CDKL5: variants seen among roughly 807,000 people sequenced by gnomAD.
CDKL5 encodes the protein cyclin-dependent kinase-like 5.
CDKL5 carries 8 observed loss-of-function variants against 61.7 expected under a neutral mutation model. That is an observed-to-expected ratio of 0.13 (90% CI 0.08 to 0.23). The LOEUF (loss-of-function observed/expected upper bound fraction) is 0.23, where lower values mean the gene tolerates loss of function less well. CDKL5 is among the 10% of genes least tolerant of loss of function. The probability of loss-of-function intolerance (pLI) is 1.00; values close to 1 mark genes in which losing one functional copy is unlikely to be tolerated. For synonymous variants in CDKL5, 275 were observed against 272.3 expected (o/e 1.01, Z -0.10); for missense variants, 440 against 734.5 (o/e 0.60, Z 4.63).
chrX:18,533,183 G>A lies in CDKL5; in HGVS notation c.99+22329G>A, dbSNP rs183350038. Among the ~76,000 whole-genome samples the A allele has an allele frequency of 4.1e-3, 458 of 112,052 alleles. 2 individuals carry two copies. The highest frequency in any genetic ancestry group is 0.014 in the African/African-American group (442 of 30,867). On this transcript the variant is annotated intron_variant, in intron 3 of 17. Transcript: ENST00000623535. ...TGGTTGAAAATAATTAATTTTTGCT[G>A]TGTAATAATCAATTAGCTGTGGCCC...
Position 18,604,624 on chromosome X carries a change from C to T in CDKL5, c.1700C>T (p.Thr567Met), listed in dbSNP as rs1926295197. The T allele has an allele frequency of 1.7e-6, 2 of 1,212,002 alleles. No homozygotes were observed. The highest frequency in any genetic ancestry group is 1.1e-6 in the Non-Finnish European group (1 of 895,513). Residue 567 changes from threonine to methionine, a missense_variant, in exon 12 of 18, where the codon ACG becomes ATG. Around this residue, in one of 2 missense-constraint regions of CDKL5, gnomAD observed 363 missense variants for 516.3 expected, o/e 0.70. Transcript: ENST00000623535. The part of the protein sequence containing the change: ...SRRTTTRHSK[T>M]MEELKLPEHM... The stretch of plus-strand genomic sequence containing the variant: ...CGAACCACAACCAGACATTCTAAGA[C>T]GATGGAGGAATTGAAGCTGCCGGAG...
intron 3 of CDKL5, among the ~76,000 whole-genome samples, chrX:18,538,491 A>G (rs1362613130): frequency 9.0e-6 from 1 of 110,924 alleles, no homozygotes; most frequent in Non-Finnish European, 1.9e-5. Context: ...GTCAAATCTG[A>G]GAAATCTGCC....
Position 18,526,904 on chromosome X carries a change from C to T in CDKL5, c.99+16050C>T, listed in dbSNP as rs566609317. ...GTTCAGGCGATTCTCCTGCCTCAGC[C>T]TCCCGAGTAGCTGGGATTACAGGCA... On this transcript the variant is annotated intron_variant, in intron 3 of 17. Transcript: ENST00000623535. Among the ~76,000 whole-genome samples the T allele has an allele frequency of 4.5e-5, 5 of 110,694 alleles. No individual in the cohort carries two copies. In the South Asian group the frequency reaches 1.6e-3, roughly 34 times the overall value.
intron 1 of CDKL5, among the ~76,000 whole-genome samples, chrX:18,450,863 C>T (rs927079791): frequency 4.6e-5 from 5 of 109,710 alleles, no homozygotes; most frequent in Admixed American, 1.9e-4. Flanking sequence ...GTGTGAGCCA[C>T]TGTGCCCGGC....
chrX:18,599,495 C>T (rs994240201), intron 11 of CDKL5, among the ~76,000 whole-genome samples: 2 of 112,422 alleles, frequency 1.8e-5, no homozygotes, highest in Admixed American at 9.4e-5. Context: ...GCTCTGTCGC[C>T]TAGGCTGGAG....
chrX:18,604,922 G>C, intron 12 of CDKL5, 54 bp downstream of exon 12: 1 of 1,176,599 alleles, frequency 8.5e-7, no homozygotes, highest in Non-Finnish European at 1.2e-6. Context: ...AAGGTGGTAC[G>C]AGGGATGTGA....
chrX:18,479,432 G>C (rs927125088), intron 1 of CDKL5, among the ~76,000 whole-genome samples: 3 of 102,201 alleles, frequency 2.9e-5, no homozygotes, highest in Non-Finnish European at 5.9e-5. Context: ...CCATTCTCCT[G>C]CGTCAGCCTC....
At chrX:18,537,277 C>T (rs761428468) in intron 3 of CDKL5, among the ~76,000 whole-genome samples, 5 of 111,950 alleles carry the variant, frequency 4.5e-5, no homozygotes, top group African/African-American at 1.6e-4. Context: ...TCAGATTGGA[C>T]GCTGCTGTCC....
At chrX:18,489,488 A>G (rs2147079260) in intron 1 of CDKL5, among the ~76,000 whole-genome samples, 1 of 110,806 alleles carries the variant, frequency 9.0e-6, no homozygotes, top group African/African-American at 3.3e-5. Context: ...AGAAACATTT[A>G]CAATCTGTTC....
At chrX:18,575,612 C>A in intron 5 of CDKL5, 122 bp downstream of exon 5, 1 of 641,262 alleles carries the variant, frequency 1.6e-6, no homozygotes, top group Admixed American at 2.7e-5. Context: ...AATCTGAGGA[C>A]TTTAAAAATG....
At chrX:18,540,650 TTTTTC>T (rs754814054) in intron 3 of CDKL5, among the ~76,000 whole-genome samples, 7 of 111,050 alleles carry the variant, frequency 6.3e-5, no homozygotes, top group South Asian at 7.6e-4. Context: ...TTTCTTTTCT[TTTTTC>T]TTTTCTTTTC....
intron 3 of CDKL5, among the ~76,000 whole-genome samples, chrX:18,521,170 ATCT>A (rs1193758204): frequency 1.8e-5 from 2 of 112,303 alleles, no homozygotes; most frequent in Non-Finnish European, 3.8e-5. Flanking sequence ...TCATTTGTAT[ATCT>A]TCTTTGGAGA....
chrX:18,509,192 A>AACGCACACACACAC (rs1555940155), intron 2 of CDKL5, among the ~76,000 whole-genome samples: 2 of 45,002 alleles, frequency 4.4e-5, no homozygotes, highest in Non-Finnish European at 8.0e-5. Context: ...ACTGTCTCAA[A>AACGCACACACACAC]ACACGCACAC....
At chrX:18,598,666 G>A in intron 11 of CDKL5, 53 bp downstream of exon 11, 12 of 1,076,033 alleles carry the variant, frequency 1.1e-5, no homozygotes, top group Non-Finnish European at 1.6e-5. Flanking sequence ...TTACAAGTAG[G>A]TGGAGGAGGT....
At chrX:18,553,687 G>T (rs1924488589) in intron 3 of CDKL5, among the ~76,000 whole-genome samples, 1 of 111,183 alleles carries the variant, frequency 9.0e-6, no homozygotes, top group Admixed American at 9.6e-5. Context: ...TAGAGATGGG[G>T]TTTTACCATG....
intron 1 of CDKL5, among the ~76,000 whole-genome samples, chrX:18,496,037 A>G (rs1022625523): frequency 8.9e-6 from 1 of 112,490 alleles, no homozygotes; most frequent in African/African-American, 3.2e-5. Flanking sequence ...AAGTATGACA[A>G]AAATGAGAAT....
At chrX:18,573,598 T>C (rs965171575) in intron 4 of CDKL5, among the ~76,000 whole-genome samples, 1 of 112,454 alleles carries the variant, frequency 8.9e-6, no homozygotes, top group African/African-American at 3.2e-5. Flanking sequence ...CATGCTCTTT[T>C]CCCTGTAAGT....
chrX:18,453,927 A>T (rs932339255), intron 1 of CDKL5, among the ~76,000 whole-genome samples: 2 of 112,160 alleles, frequency 1.8e-5, no homozygotes, highest in Non-Finnish European at 3.8e-5. Context: ...AGAGGAAAGT[A>T]ATGTAATTTT....
intron 1 of CDKL5, among the ~76,000 whole-genome samples, chrX:18,433,249 A>C (rs1217650937): frequency 9.6e-6 from 1 of 104,491 alleles, no homozygotes; most frequent in Admixed American, 1.1e-4. Flanking sequence ...AAGAAAAGAA[A>C]AGAAAAAAAA....
Sources: gnomAD v4.1 joint callset for allele counts (sites outside exome capture counted in the v4.1 genomes callset) on GRCh38, gnomAD v4.1.1 for gene constraint, gnomAD v4.1.1 regional missense constraint, MANE v1.5 for transcripts, NCBI Gene and HGNC (gene_info 2026-07-23, HGNC 2026-07-21) for gene names.